The following CLIP1 variants were observed in gnomAD, a reference collection of about 807,000 sequenced individuals.
CLIP1 encodes the protein CAP-Gly domain-containing linker protein 1.
A neutral mutation model predicts 161.6 loss-of-function variants in CLIP1; 66 were observed. The ratio of observed to expected loss-of-function variants is 0.41; its 90% CI spans 0.33 to 0.50. CLIP1 has a LOEUF of 0.50. Among genes scored for constraint, CLIP1 ranks in the 20% least tolerant of loss-of-function variants. The pLI is 0.27. For missense variants in CLIP1, 1,376 were observed against 1,702.0 expected, an observed-to-expected ratio of 0.81 and a Z score of 3.37; for synonymous variants, 598 against 626.2, an observed-to-expected ratio of 0.96 and a Z score of 0.67.
intron 1 of CLIP1, among the ~76,000 whole-genome samples, chr12:122,389,820 A>G (rs1263041648): frequency 1.4e-5 from 2 of 144,066 alleles, no homozygotes; most frequent in Non-Finnish European, 3.0e-5. Context: ...TACAGTTTGG[A>G]TATCTGTCTT....
intron 2 of CLIP1, among the ~76,000 whole-genome samples, chr12:122,379,307 CA>C (rs61498384): frequency 7.3e-4 from 86 of 117,010 alleles, no homozygotes; most frequent in Admixed American, 7.8e-4. Context: ...TACAGCATCT[CA>C]AAAAAAAAAA....
intron 14 of CLIP1, 83 bp from the exon 15 acceptor site, chr12:122,333,226 T>G: frequency 1.0e-6 from 1 of 996,776 alleles, no homozygotes. Flanking sequence ...TCTGGTAATA[T>G]TTTCACACAG....
chr12:122,414,642 T>G (rs1956661677), intron 1 of CLIP1, among the ~76,000 whole-genome samples: 1 of 151,994 alleles, frequency 6.6e-6, no homozygotes, highest in Non-Finnish European at 1.5e-5. Context: ...TTTTTTGTAT[T>G]TTTAGAAGAG....
At chr12:122,339,692 G>A (rs931809313) in intron 11 of CLIP1, among the ~76,000 whole-genome samples, 2 of 152,096 alleles carry the variant, frequency 1.3e-5, no homozygotes, top group African/African-American at 2.4e-5. Flanking sequence ...CTATAGATAA[G>A]CAATTACAGT....
chr12:122,309,736 G>A (rs73404037), intron 20 of CLIP1, 26 bp downstream of exon 20: 25,162 of 1,611,414 alleles, frequency 0.016, 711 homozygotes, highest in African/African-American at 0.1. Flanking sequence ...TGGCACAGCT[G>A]GAACCCCTCG....
intron 1 of CLIP1, among the ~76,000 whole-genome samples, chr12:122,390,282 A>ACATATG (rs148569041): frequency 3.2e-5 from 1 of 31,108 alleles, no homozygotes; most frequent in Non-Finnish European, 1.0e-4. Context: ...ATATATACAT[A>ACATATG]TATATATATA....
At chr12:122,417,714 G>A (rs1245254857) in intron 1 of CLIP1, among the ~76,000 whole-genome samples, 2 of 151,892 alleles carry the variant, frequency 1.3e-5, no homozygotes, top group Non-Finnish European at 1.5e-5. Flanking sequence ...GGGTTTCACT[G>A]CGTTAGCCAG....
At chr12:122,388,211 T>G (rs1379893097) in intron 1 of CLIP1, among the ~76,000 whole-genome samples, 2 of 150,286 alleles carry the variant, frequency 1.3e-5, no homozygotes, top group Non-Finnish European at 2.9e-5. Context: ...ACTCTGAGGG[T>G]AGGCCAGCTA....
chr12:122,352,653 T>C (rs569328840), intron 8 of CLIP1, 73 bp downstream of exon 8: 22 of 1,314,752 alleles, frequency 1.7e-5, no homozygotes, highest in African/African-American at 1.4e-4. Context: ...CTCATTTCAA[T>C]TGGTGCATTA....
intron 24 of CLIP1, chr12:122,275,185 T>C (rs953507186): frequency 2.6e-5 from 4 of 152,022 alleles, no homozygotes; most frequent in Non-Finnish European, 5.9e-5. Context: ...TGTGGGTTGG[T>C]GGAGTGCTAT....
chr12:122,414,791 C>T (rs950129777), intron 1 of CLIP1, among the ~76,000 whole-genome samples: 19 of 152,048 alleles, frequency 1.2e-4, no homozygotes, highest in African/African-American at 4.4e-4. Flanking sequence ...TACCATCGGT[C>T]ATTATGGTTT....
intron 17 of CLIP1, among the ~76,000 whole-genome samples, chr12:122,324,790 G>C (rs889223599): frequency 1.3e-5 from 2 of 152,162 alleles, no homozygotes; most frequent in Admixed American, 1.3e-4. Context: ...CAAAAACTCA[G>C]TATATTTTAA....
chr12:122,351,151 TA>T lies in CLIP1; in HGVS notation c.1369-9del. The T allele has an allele frequency of 1.4e-6, 2 of 1,457,286 alleles. No homozygotes were observed. Among genetic ancestry groups the T allele is most frequent in the South Asian group, 1.4e-5 (1 of 73,284 alleles). The allele number at this position is 1,457,286 out of a possible 1,614,324, so 90.3% of individuals were successfully genotyped here. On this transcript the variant is annotated splice_polypyrimidine_tract_variant and intron_variant, in intron 8 of 25. Coordinates refer to ENST00000620786, the MANE Select transcript of CLIP1 (RefSeq NM_001247997.2). ...AGAAATCTGGCTCTTTTGCTATCAG[TA>T]AAAAAATAAAAAAAATTAAACAACA... is the stretch of plus-strand genomic sequence containing the variant.
intron 20 of CLIP1, among the ~76,000 whole-genome samples, chr12:122,289,509 T>A (rs529934888): frequency 6.6e-6 from 1 of 152,210 alleles, no homozygotes; most frequent in African/African-American, 2.4e-5. Context: ...TGTCACTAAA[T>A]TGCAGAGGAC....
rs972044368 is a variant in CLIP1, at chr12:122,311,413, A to AATTATT, written c.3474-1537_3474-1532dup. 6.6e-6 allele frequency among the ~76,000 whole-genome samples: 1 copy of AATTATT among 150,924 alleles called. No homozygotes were observed. The highest frequency in any genetic ancestry group is 2.1e-4 in the South Asian group (1 of 4,788). On this transcript the variant is annotated intron_variant, in intron 19 of 25. Coordinates refer to ENST00000620786, the MANE Select transcript of CLIP1 (RefSeq NM_001247997.2). The surrounding 1 kb of genome is among the most constrained non-coding windows in gnomAD (Gnocchi z 4.3). Reference sequence around the variant, plus strand: ...CTAAAGCATTGACCTATAAAAACAAAATTATTATTATTATTATTTTTTTTT... The same window carrying AATTATT: ...CTAAAGCATTGACCTATAAAAACAAAATTATTATTATTATTATTATTATTTTTTTTT...
intron 1 of CLIP1, among the ~76,000 whole-genome samples, chr12:122,421,677 G>A (rs79416140): frequency 0.028 from 4,292 of 152,296 alleles, 219 homozygotes; most frequent in African/African-American, 0.098. Context: ...GGGCTGTGCA[G>A]GGAGGAGGGG....
intron 1 of CLIP1, chr12:122,395,446 GCAAA>G (rs931327892): frequency 6.6e-6 from 1 of 152,176 alleles, no homozygotes; most frequent in Non-Finnish European, 1.5e-5. Context: ...CAGAAGCTGG[GCAAA>G]CATTTTGAAC....
intron 1 of CLIP1, among the ~76,000 whole-genome samples, chr12:122,387,590 AT>A (rs139790813): frequency 4.8e-4 from 3 of 6,270 alleles, no homozygotes; most frequent in Non-Finnish European, 8.3e-4. Context: ...ATATATATAT[AT>A]TTTTTTTTTT....
intron 1 of CLIP1, among the ~76,000 whole-genome samples, chr12:122,409,228 C>T (rs1163262289): frequency 3.3e-5 from 5 of 151,644 alleles, no homozygotes; most frequent in Non-Finnish European, 2.9e-5. Context: ...CAGGTTCAAG[C>T]GATTCTTCCG....
Sources: gnomAD v4.1 joint callset for allele counts (sites outside exome capture counted in the v4.1 genomes callset) on GRCh38, gnomAD v4.1.1 for gene constraint, Gnocchi (gnomAD v3.1) non-coding constraint, MANE v1.5 for transcripts, NCBI Gene and HGNC (gene_info 2026-07-23, HGNC 2026-07-21) for gene names.